Variants in EDDM13 observed in about 807,000 individuals in gnomAD.
EDDM13 encodes the protein epididymal protein 13.
A neutral mutation model predicts 17.8 loss-of-function variants in EDDM13; 24 were observed. The ratio of observed to expected loss-of-function variants is 1.35; its 90% confidence interval spans 0.98 to 1.90. The LOEUF (loss-of-function observed/expected upper bound fraction) is 1.90. Ranked by LOEUF, EDDM13 falls within the 40% of genes most tolerant of loss-of-function variation. EDDM13 has a pLI of 0.00. For missense variants in EDDM13, 97 were observed against 100.8 expected, an observed-to-expected ratio of 0.96 and a Z score of 0.16; for synonymous variants, 31 against 37.5, an observed-to-expected ratio of 0.83 and a Z score of 0.63.
intron 9 of EDDM13, among the ~76,000 whole-genome samples, chr19:56,291,659 C>A (rs2039517099): frequency 6.6e-6 from 1 of 152,068 alleles, no homozygotes; most frequent in South Asian, 2.1e-4. Context: ...CACATTTGAC[C>A]CCTTCTGTTT....
chr19:56,290,796 T>C (rs2039459998), intron 8 of EDDM13, among the ~76,000 whole-genome samples, 45 bp from the exon 9 acceptor site: 1 of 152,220 alleles, frequency 6.6e-6, no homozygotes, highest in African/African-American at 2.4e-5. Context: ...TGCTCACTCT[T>C]CTCCACACTG....
chr19:56,283,076 G>T (rs985942818), intron 4 of EDDM13: 1 of 152,160 alleles, frequency 6.6e-6, no homozygotes, highest in African/African-American at 2.4e-5. Context: ...CCTAGGTGGG[G>T]CAATCTTAGA....
intron 13 of EDDM13, among the ~76,000 whole-genome samples, chr19:56,302,679 C>T (rs1309341840): frequency 7.8e-6 from 1 of 128,558 alleles, no homozygotes; most frequent in African/African-American, 2.8e-5. Context: ...CTTCCTCCTT[C>T]CCTCCTTCTC....
chr19:56,290,097 C>A (rs558518354), intron 8 of EDDM13, among the ~76,000 whole-genome samples: 74 of 152,262 alleles, frequency 4.9e-4, no homozygotes, highest in African/African-American at 1.4e-3. Context: ...GAAACTTTTT[C>A]AAAAAGACAG....
In EDDM13 at chr19:56,302,075, T is replaced by C. The variant is rs1382327285; in HGVS notation, c.403T>C (p.Ser135Pro). 1.6e-6 allele frequency: 2 copies of C among 1,231,652 alleles called. No individual in the cohort carries two copies. Among genetic ancestry groups the C allele is most frequent in the Non-Finnish European group, 2.0e-6 (2 of 988,012 alleles). 76.3% of individuals were successfully genotyped at this position (1,231,652 alleles called of 1,614,324 possible). ...AYMVMTYLFV[S>P]YNKGDWCYCH... The stretch of plus-strand genomic sequence containing the variant: ...CATGGTGATGACCTACCTCTTCGTA[T>C]CCTACAACAAAGGGGACTGGGTAAG... The change falls in exon 13 of 15, where the codon TCC (serine) becomes CCC (proline). Residue 135 changes from serine to proline, a missense_variant. By Grantham distance (74) the Ser-to-Pro change is moderately conservative. Transcript: ENST00000649256.
chr19:56,287,822 G>A (rs2039240853), intron 6 of EDDM13, among the ~76,000 whole-genome samples: 1 of 152,154 alleles, frequency 6.6e-6, no homozygotes, highest in African/African-American at 2.4e-5. Flanking sequence ...ATCAGCCAAT[G>A]AATTTCCAAG....
intron 6 of EDDM13, among the ~76,000 whole-genome samples, chr19:56,288,046 A>G (rs2039256756): frequency 1.3e-5 from 2 of 152,080 alleles, no homozygotes; most frequent in South Asian, 2.1e-4. Context: ...GCACAAGGAG[A>G]TGGAGTGAGT....
intron 12 of EDDM13, among the ~76,000 whole-genome samples, chr19:56,299,232 A>T (rs2147235617): frequency 6.6e-6 from 1 of 152,110 alleles, no homozygotes; most frequent in South Asian, 2.1e-4. Flanking sequence ...CCTAGGCTCA[A>T]GTGATCCTCC....
rs890823994 is a variant in EDDM13, at chr19:56,284,861, G to A, written c.128-137G>A. ...AAAGGGGATTAAGTGGGAATAATGA[G>A]GCATCATGACTGAGGCATTATAGCC... On this transcript the variant is annotated intron_variant, in intron 5 of 14. Coordinates refer to ENST00000649256, the MANE Select transcript of EDDM13 (RefSeq NM_001354658.2). 5 of 213,464 alleles carry A rather than the reference G, an allele frequency of 2.3e-5. No homozygotes were observed. In the Admixed American group the frequency reaches 3.3e-4, roughly 14 times the overall value. The allele number at this position is 213,464 out of a possible 1,614,324, so 13.2% of individuals were successfully genotyped here. A position where few individuals can be genotyped will look rare whatever the true frequency, so the allele number is the denominator to read the frequency against.
intron 12 of EDDM13, among the ~76,000 whole-genome samples, chr19:56,301,520 A>C (rs1039584103): frequency 6.6e-6 from 1 of 151,738 alleles, no homozygotes; most frequent in African/African-American, 2.4e-5. Flanking sequence ...CTTTACCGCA[A>C]CCTGTTTTAT....
chr19:56,304,770 C>T (rs1215773522), intron 13 of EDDM13, 23 bp from the exon 14 acceptor site: 3 of 985,012 alleles, frequency 3.0e-6, no homozygotes, highest in Non-Finnish European at 1.2e-6. Flanking sequence ...TTCTCTGTTC[C>T]CAGTTCACTT....
intron 6 of EDDM13, among the ~76,000 whole-genome samples, chr19:56,286,953 G>A (rs1449161331): frequency 5.3e-5 from 8 of 152,238 alleles, no homozygotes; most frequent in Admixed American, 3.9e-4. Context: ...TTTCTTCCCG[G>A]TAAACCAGGA....
chr19:56,305,867 G>A (rs1490658836), intron 14 of EDDM13, among the ~76,000 whole-genome samples: 2 of 152,028 alleles, frequency 1.3e-5, no homozygotes, highest in East Asian at 3.9e-4. Flanking sequence ...CAGATACACA[G>A]AAAACAAGTG....
intron 6 of EDDM13, among the ~76,000 whole-genome samples, chr19:56,285,530 C>T (rs1323212944): frequency 1.3e-5 from 2 of 152,264 alleles, no homozygotes; most frequent in Admixed American, 1.3e-4. Flanking sequence ...GGTTCATGTA[C>T]ATTTAGTTTT....
At chr19:56,292,083 G>A (rs1228755085) in intron 9 of EDDM13, among the ~76,000 whole-genome samples, 7 of 152,144 alleles carry the variant, frequency 4.6e-5, no homozygotes, top group South Asian at 2.1e-4. Context: ...CCTGGGCTGC[G>A]TGACTCAGCT....
At chr19:56,299,784 G>C (rs2040111633) in intron 12 of EDDM13, 1 of 152,084 alleles carries the variant, frequency 6.6e-6, no homozygotes, top group South Asian at 2.1e-4. Flanking sequence ...TATTTTTATT[G>C]GGATTTTAAA....
intron 12 of EDDM13, among the ~76,000 whole-genome samples, chr19:56,299,036 C>G (rs1463098343): frequency 6.6e-6 from 1 of 152,096 alleles, no homozygotes; most frequent in Non-Finnish European, 1.5e-5. Flanking sequence ...TAGGTAAAAA[C>G]AAATATATGG....
chr19:56,302,673 C>T (rs1272701733), intron 13 of EDDM13, among the ~76,000 whole-genome samples: 1 of 142,020 alleles, frequency 7.0e-6, no homozygotes, highest in Non-Finnish European at 1.5e-5. Context: ...TCTTTCCTTC[C>T]TCCTTCCCTC....
In EDDM13 at chr19:56,272,798, TAGG is replaced by T. The variant is rs879537896; in HGVS notation, c.-31_-29del. The T allele has an allele frequency of 5.6e-5, 50 of 887,600 alleles. No individual in the cohort carries two copies. Among genetic ancestry groups the T allele is most frequent in the South Asian group, 1.0e-4 (2 of 19,242 alleles). 55.0% of individuals were successfully genotyped at this position (887,600 alleles called of 1,614,324 possible). A position where few individuals can be genotyped will look rare whatever the true frequency, so the allele number is the denominator to read the frequency against. On this transcript the variant is annotated 5_prime_UTR_variant, in exon 1 of 15. Coordinates refer to ENST00000649256, the MANE Select transcript of EDDM13 (RefSeq NM_001354658.2). ...GGTGACCAGAGAGTCCTGTCTATCCTAGGAGGAGAACATTCAGCCCAAATCCCA... is the reference window on the plus strand; with the variant it reads ...GGTGACCAGAGAGTCCTGTCTATCCTAGGAGAACATTCAGCCCAAATCCCA...
Sources: gnomAD v4.1 joint callset for allele counts (sites outside exome capture counted in the v4.1 genomes callset) on GRCh38, gnomAD v4.1.1 for gene constraint, MANE v1.5 for transcripts, NCBI Gene and HGNC (gene_info 2026-07-23, HGNC 2026-07-21) for gene names.